PDZD2: variants seen among roughly 807,000 people sequenced by gnomAD.
The protein encoded by PDZD2 is PDZ domain containing 2.
A neutral mutation model predicts 220.7 loss-of-function variants in PDZD2; 90 were observed. The ratio of observed to expected loss-of-function variants is 0.41; its 90% CI spans 0.34 to 0.49. The LOEUF is 0.49. PDZD2 is among the 20% of genes least tolerant of loss of function. The pLI, the probability that PDZD2 is intolerant of heterozygous loss-of-function variation, is 0.28. For missense variants in PDZD2, 3,174 were observed against 3,608.5 expected (o/e 0.88, Z 3.08); for synonymous variants, 1,375 against 1,450.5 (o/e 0.95, Z 1.18).
chr5:31,773,260 A>T (rs377395448), intron 1 of PDZD2, among the ~76,000 whole-genome samples: 1 of 152,300 alleles, frequency 6.6e-6, no homozygotes, highest in East Asian at 1.9e-4. Flanking sequence ...AAGCTCCTAG[A>T]CTTATTTAAT....
In PDZD2 at chr5:32,091,031, GCGTTT is replaced by G. The variant is rs1381888901; in HGVS notation, c.7587_7591del (p.Cys2531ArgfsTer15). The stretch of plus-strand genomic sequence containing the variant: ...AGGTCACCTGGCCCTCCTGCTGGAG[GCGTTT>G]CGTGTCCCGAGAAGGGCGGGAACAG... On this transcript the variant is annotated frameshift_variant, in exon 20 of 25. Transcript: ENST00000438447. LOFTEE classifies it high-confidence loss of function. The G allele has an allele frequency of 6.2e-7, 1 of 1,613,882 alleles. No individual in the cohort carries two copies.
At chr5:31,669,994 T>C (rs1004079860) in intron 1 of PDZD2, among the ~76,000 whole-genome samples, 16 of 152,190 alleles carry the variant, frequency 1.1e-4, no homozygotes, top group African/African-American at 3.9e-4. Context: ...ACTATTAATG[T>C]TCCCATTTTA....
rs536646125 is a variant in PDZD2, at chr5:31,854,861, T to C, written c.476+55137T>C. The C allele has an allele frequency of 6.4e-6, 3 of 465,496 alleles. No individual in the cohort carries two copies. In the South Asian group the frequency reaches 2.7e-4, roughly 42 times the overall value. 28.8% of individuals were successfully genotyped at this position (465,496 alleles called of 1,614,324 possible). A position where few individuals can be genotyped will look rare whatever the true frequency, so the allele number is the denominator to read the frequency against. On this transcript the variant is annotated intron_variant, in intron 2 of 24. Transcript: ENST00000438447. ...GAGCAGGGGAGTGGCGAGCCGAGTTTAGGATTGCATTACAGGCTTTTCCTA... is the reference window on the plus strand; with the variant it reads ...GAGCAGGGGAGTGGCGAGCCGAGTTCAGGATTGCATTACAGGCTTTTCCTA...
chr5:32,083,875 C>T lies in PDZD2; in HGVS notation c.3683-3256C>T, dbSNP rs1742201269. On this transcript the variant is annotated intron_variant, in intron 19 of 24. Transcript: ENST00000438447. This position sits in a 1 kb window ranked among gnomAD's most constrained non-coding sequence, Gnocchi z 4.1. ...TATTTTTAGTAGAGATGGGATTTCCCCATGTTGGCCAGGCTGGTTTCGAAC... is the reference window on the plus strand; with the variant it reads ...TATTTTTAGTAGAGATGGGATTTCCTCATGTTGGCCAGGCTGGTTTCGAAC... Among the ~76,000 whole-genome samples, 1 of 152,064 alleles carries T rather than the reference C, an allele frequency of 6.6e-6. No homozygotes were observed. Among genetic ancestry groups the T allele is most frequent in the Non-Finnish European group, 1.5e-5 (1 of 68,026 alleles).
At position 31,889,486 on chromosome 5, in the gene PDZD2, C is replaced by T. The variant is rs564473071; in HGVS notation, c.476+89762C>T. Among the ~76,000 whole-genome samples the T allele has an allele frequency of 2.2e-3, 328 of 152,310 alleles. 2 individuals are homozygous for T. The highest frequency in any genetic ancestry group is 4.0e-3 in the Non-Finnish European group (272 of 68,034). The stretch of plus-strand genomic sequence containing the variant: ...TTGGTTGTCCTGGACCCTGGCTTTG[C>T]ACAGACCTCACACTCCTGTTGAGAA... On this transcript the variant is annotated intron_variant, in intron 2 of 24. Coordinates refer to ENST00000438447, the MANE Select transcript of PDZD2 (RefSeq NM_178140.4).
chr5:31,775,414 C>T (rs541700705), intron 1 of PDZD2, among the ~76,000 whole-genome samples: 1 of 151,884 alleles, frequency 6.6e-6, no homozygotes, highest in East Asian at 1.9e-4. Flanking sequence ...ACGGATTTGA[C>T]GTAATAGAGA....
intron 2 of PDZD2, among the ~76,000 whole-genome samples, chr5:31,902,531 G>A (rs1742195706): frequency 6.7e-6 from 1 of 148,492 alleles, no homozygotes; most frequent in South Asian, 2.2e-4. Flanking sequence ...CGCCCAGGCT[G>A]GAAGGCAGGG....
In PDZD2 at chr5:31,794,670, G is replaced by A. The variant is rs1050506035; in HGVS notation, c.-360-4219G>A. Among the ~76,000 whole-genome samples, 3 of 152,088 alleles carry A rather than the reference G, an allele frequency of 2.0e-5. No homozygotes were observed. In the East Asian group the frequency reaches 5.8e-4, roughly 29 times the overall value. The stretch of plus-strand genomic sequence containing the variant: ...GATCTGCCCGCCTGGGCCTCCCAAA[G>A]TTCTGGGATTACAGGTATGAACCAC... On this transcript the variant is annotated intron_variant, in intron 1 of 24. Coordinates refer to ENST00000438447, the MANE Select transcript of PDZD2 (RefSeq NM_178140.4).
intron 6 of PDZD2, among the ~76,000 whole-genome samples, chr5:32,032,571 C>T (rs1049445539): frequency 6.6e-6 from 1 of 152,168 alleles, no homozygotes; most frequent in Non-Finnish European, 1.5e-5. Context: ...TCCATTGCCA[C>T]GTGGTTGTCA....
At chr5:31,999,832 G>A (rs1456321939) in intron 4 of PDZD2, among the ~76,000 whole-genome samples, 1 of 152,168 alleles carries the variant, frequency 6.6e-6, no homozygotes, top group East Asian at 1.9e-4. Context: ...CAAACCTTGG[G>A]GTCTTGGTTC....
chr5:32,087,475 G>T lies in PDZD2; in HGVS notation c.4027G>T (p.Asp1343Tyr). Reference protein sequence around the residue: ...MTPAGAVLPGDPLTSQEQRQG... With the variant: ...MTPAGAVLPGYPLTSQEQRQG... ...ACCAGCTGGTGCTGTCCTGCCAGGA[G>T]ACCCCCTCACATCCCAGGAGCAGAG... Residue 1343 changes from aspartate (D) to tyrosine (Y), a missense_variant, in exon 20 of 25, where the codon GAC becomes TAC. Coordinates refer to ENST00000438447, the MANE Select transcript of PDZD2 (RefSeq NM_178140.4). The surrounding 1 kb of genome is among the most constrained non-coding windows in gnomAD (Gnocchi z 4.0). The T allele has an allele frequency of 6.2e-7, 1 of 1,613,766 alleles. No individual in the cohort carries two copies. The highest frequency in any genetic ancestry group is 8.5e-7 in the Non-Finnish European group (1 of 1,179,826).
intron 2 of PDZD2, among the ~76,000 whole-genome samples, chr5:31,935,621 GT>G (rs1474287937): frequency 4.6e-5 from 7 of 151,924 alleles, no homozygotes; most frequent in Admixed American, 4.6e-4. Flanking sequence ...CTTGATTTTT[GT>G]TTGCATTTGG....
At position 32,000,134 on chromosome 5, in the gene PDZD2, C is replaced by G. The variant is rs1230415632; in HGVS notation, c.1122-5C>G. 1.2e-6 allele frequency: 2 copies of G among 1,613,804 alleles called. No individual in the cohort carries two copies. Among genetic ancestry groups the G allele is most frequent in the Non-Finnish European group, 1.7e-6 (2 of 1,179,860 alleles). On this transcript the variant is annotated splice_polypyrimidine_tract_variant and splice_region_variant and intron_variant, in intron 4 of 24. Coordinates refer to ENST00000438447, the MANE Select transcript of PDZD2 (RefSeq NM_178140.4). The surrounding 1 kb of genome is among the most constrained non-coding windows in gnomAD (Gnocchi z 4.5). Reference sequence around the variant, plus strand: ...GGGATCTTTTTCCCATCTCCCTTTCCTCAGGGATGGCAGGCTGTCCTTAGG... The same window carrying G: ...GGGATCTTTTTCCCATCTCCCTTTCGTCAGGGATGGCAGGCTGTCCTTAGG...
chr5:31,798,524 T>C (rs1225668670), intron 1 of PDZD2, among the ~76,000 whole-genome samples: 1 of 152,150 alleles, frequency 6.6e-6, no homozygotes, highest in Non-Finnish European at 1.5e-5. Flanking sequence ...GAGTGTAAGA[T>C]TTTAAATATA....
At chr5:31,692,008 A>G (rs386190) in intron 1 of PDZD2, among the ~76,000 whole-genome samples, 113,241 of 152,216 alleles carry the variant, frequency 0.74, 42,872 homozygotes, top group East Asian at 0.93. Flanking sequence ...TGTGCCCTGC[A>G]CCCGCATTCC....
intron 19 of PDZD2, among the ~76,000 whole-genome samples, chr5:32,081,788 C>G (rs1159686301): frequency 6.6e-6 from 1 of 152,196 alleles, no homozygotes; most frequent in Non-Finnish European, 1.5e-5. Context: ...GTGGTGTGAT[C>G]TTGGCTCACT....
intron 6 of PDZD2, among the ~76,000 whole-genome samples, chr5:32,030,331 G>T (rs891891672): frequency 2.0e-5 from 3 of 152,206 alleles, no homozygotes; most frequent in African/African-American, 7.2e-5. Flanking sequence ...CCCCTAATGA[G>T]CTAGTAAGGG....
chr5:31,693,358 C>T (rs1747225786), intron 1 of PDZD2, among the ~76,000 whole-genome samples: 1 of 150,888 alleles, frequency 6.6e-6, no homozygotes, highest in Non-Finnish European at 1.5e-5. Context: ...TCTTCGGTCT[C>T]AGCCTCCTGA....
chr5:32,104,361 A>AT (rs1237005195), intron 24 of PDZD2, among the ~76,000 whole-genome samples: 22 of 151,082 alleles, frequency 1.5e-4, no homozygotes, highest in African/African-American at 5.4e-4. Flanking sequence ...AATAATAAAG[A>AT]ATTTTTTTTT....
Sources: allele counts gnomAD v4.1 joint callset (sites outside exome capture counted in the v4.1 genomes callset), GRCh38; gene constraint gnomAD v4.1.1; non-coding constraint Gnocchi (gnomAD v3.1); transcripts MANE v1.5; gene names NCBI Gene and HGNC (gene_info 2026-07-23, HGNC 2026-07-21).